Variants in ZNF777 observed in about 807,000 individuals in gnomAD.
ZNF777 encodes the protein zinc finger protein 777.
In ZNF777, 7 loss-of-function variants were observed where a neutral mutation model predicts 72.1. The ratio of observed to expected loss-of-function variants is 0.10; its 90% CI spans 0.06 to 0.18. The LOEUF (loss-of-function observed/expected upper bound fraction) is 0.18. Among genes scored for constraint, ZNF777 ranks in the 10% least tolerant of loss-of-function variants. The probability of loss-of-function intolerance (pLI) is 1.00; values close to 1 mark genes in which losing one functional copy is unlikely to be tolerated. For missense variants in ZNF777, 828 were observed against 1,128.6 expected (o/e 0.73, Z 3.82); for synonymous variants, 545 against 483.5 (o/e 1.13, Z -1.67).
intron 4 of ZNF777, among the ~76,000 whole-genome samples, chr7:149,441,489 C>T (rs1283698313): frequency 1.3e-5 from 2 of 152,166 alleles, no homozygotes; most frequent in Admixed American, 1.3e-4. Context: ...TTCGGTTATT[C>T]GTGCCAAACA....
intron 4 of ZNF777, among the ~76,000 whole-genome samples, chr7:149,449,100 C>T (rs766157308): frequency 1.3e-5 from 2 of 152,192 alleles, no homozygotes; most frequent in East Asian, 1.9e-4. Context: ...TGGAGTGCTA[C>T]GGCTCTGATA....
At chr7:149,457,461 G>A (rs1237869364) in intron 1 of ZNF777, among the ~76,000 whole-genome samples, 4 of 152,162 alleles carry the variant, frequency 2.6e-5, no homozygotes, top group African/African-American at 4.8e-5. Context: ...GTATGTGTTT[G>A]ATAAATGCCG....
At position 149,432,845 on chromosome 7, in the gene ZNF777, C is replaced by T; in HGVS notation, c.1427G>A (p.Gly476Glu). ...DELPQHLQSLGQLSGRYEASM... is the reference protein window; with the variant it reads ...DELPQHLQSLEQLSGRYEASM... ...GGCCTCATATCTCCCGGACAGCTGC[C>T]CAAGGGATTGCAAGTGCTGCGGCAG... Residue 476 changes from glycine (G) to glutamate (E), a missense_variant, in exon 6 of 6, where the codon GGG becomes GAG. Transcript: ENST00000247930. 1.3e-6 allele frequency: 2 copies of T among 1,586,380 alleles called. No individual in the cohort carries two copies. The highest frequency in any genetic ancestry group is 1.7e-6 in the Non-Finnish European group (2 of 1,164,976).
intron 4 of ZNF777, among the ~76,000 whole-genome samples, chr7:149,448,485 CTATA>C (rs61005836): frequency 0.017 from 1,773 of 104,556 alleles, 95 homozygotes; most frequent in South Asian, 0.097. Context: ...CAAAACAAAA[CTATA>C]TATATATATA....
rs1009257160 is a variant in ZNF777, at chr7:149,460,476, C to A, written c.-16+339G>T. On this transcript the variant is annotated intron_variant, in intron 1 of 5. Coordinates refer to ENST00000247930, the MANE Select transcript of ZNF777 (RefSeq NM_015694.3). The surrounding 1 kb of genome is among the most constrained non-coding windows in gnomAD (Gnocchi z 6.1). Reference sequence around the variant, plus strand: ...CCCCGGCCCGCGCGCCGCCCCTCTGCGGCCGCGGCTGGGACCCCAGCTCCG... The same window carrying A: ...CCCCGGCCCGCGCGCCGCCCCTCTGAGGCCGCGGCTGGGACCCCAGCTCCG... Among the ~76,000 whole-genome samples, 1 of 148,940 alleles carries A rather than the reference C, an allele frequency of 6.7e-6. No individual in the cohort carries two copies. Among genetic ancestry groups the A allele is most frequent in the Non-Finnish European group, 1.5e-5 (1 of 66,978 alleles).
intron 3 of ZNF777, among the ~76,000 whole-genome samples, chr7:149,451,347 C>A (rs1799713648): frequency 6.6e-6 from 1 of 152,018 alleles, no homozygotes; most frequent in Middle Eastern, 3.4e-3. Context: ...TCAAAACCTG[C>A]CCAGGTTTTC....
At chr7:149,453,253 G>A (rs547503008) in intron 3 of ZNF777, among the ~76,000 whole-genome samples, 2 of 151,840 alleles carry the variant, frequency 1.3e-5, no homozygotes, top group African/African-American at 4.8e-5. Context: ...TTAAATTGTT[G>A]AATTTTCACA....
At chr7:149,458,161 A>C (rs1799869128) in intron 1 of ZNF777, among the ~76,000 whole-genome samples, 1 of 152,194 alleles carries the variant, frequency 6.6e-6, no homozygotes, top group South Asian at 2.1e-4. Flanking sequence ...AAACCTAATG[A>C]AAGTTTTGGG....
chr7:149,432,979 C>T (rs1201610604), intron 5 of ZNF777, 47 bp from the exon 6 acceptor site: 1 of 1,448,480 alleles, frequency 6.9e-7, no homozygotes, highest in African/African-American at 1.4e-5. Flanking sequence ...TGCCTGGCGC[C>T]CCTAACCTAC....
chr7:149,459,872 G>A, intron 1 of ZNF777: 2 of 983,936 alleles, frequency 2.0e-6, no homozygotes, highest in Non-Finnish European at 2.4e-6. Context: ...CCCCACCTCG[G>A]GGCCGCGTGT....
chr7:149,434,325 A>G (rs1799376142), intron 5 of ZNF777, among the ~76,000 whole-genome samples: 2 of 152,142 alleles, frequency 1.3e-5, no homozygotes, highest in Admixed American at 1.3e-4. Flanking sequence ...CCAGTGAACT[A>G]CAGTGGTAAA....
chr7:149,436,637 G>A lies in ZNF777; in HGVS notation c.1277C>T (p.Thr426Met), dbSNP rs1289223782. 9 of 1,613,762 alleles carry A rather than the reference G, an allele frequency of 5.6e-6. No individual in the cohort carries two copies. The highest frequency in any genetic ancestry group is 3.3e-5 in the Admixed American group (2 of 60,014). Residue 426 changes from threonine (T) to methionine (M), a missense_variant, in exon 5 of 6, where the codon ACG becomes ATG. Thr to Met is a moderately conservative substitution (Grantham distance 81). Around this residue, in one of 12 missense-constraint regions of ZNF777, gnomAD observed 219 missense variants for 223.0 expected, o/e 0.98. Transcript: ENST00000247930. This position sits in a 1 kb window ranked among gnomAD's most constrained non-coding sequence, Gnocchi z 5.0. The part of the protein sequence containing the change: ...QEPENTLEES[T>M]EGSSEFSELK... Reference sequence around the variant, plus strand: ...TTCGCTGAACTCGCTGGAGCCTTCCGTGGACTCCTCCAGCGTGTTCTCTGG... The same window carrying A: ...TTCGCTGAACTCGCTGGAGCCTTCCATGGACTCCTCCAGCGTGTTCTCTGG...
At chr7:149,457,448 A>G (rs1799854762) in intron 1 of ZNF777, among the ~76,000 whole-genome samples, 1 of 152,182 alleles carries the variant, frequency 6.6e-6, no homozygotes, top group African/African-American at 2.4e-5. Context: ...AGTCTGACAT[A>G]TAGTATGTGT....
rs911524452 is a variant in ZNF777 at position 149,460,096 on chromosome 7, G to A, written c.-16+719C>T. ...CGTCCCCGGGGCCCCGAGGCCGCGC[G>A]TCCGTGCGCGCGCGGGCCGCCCTCA... is the stretch of plus-strand genomic sequence containing the variant. On this transcript the variant is annotated intron_variant, in intron 1 of 5. Coordinates refer to ENST00000247930, the MANE Select transcript of ZNF777 (RefSeq NM_015694.3). This position sits in a 1 kb window ranked among gnomAD's most constrained non-coding sequence, Gnocchi z 6.1. The A allele has an allele frequency of 7.1e-6, 7 of 981,984 alleles. No homozygotes were observed. The African/African-American group carries it at 8.8e-5, about 12-fold the overall frequency. The allele number at this position is 981,984 out of a possible 1,614,324, so 60.8% of individuals were successfully genotyped here.
intron 3 of ZNF777, 51 bp from the exon 4 acceptor site, chr7:149,451,163 ATGT>A: frequency 6.6e-7 from 1 of 1,523,628 alleles, no homozygotes; most frequent in African/African-American, 1.4e-5. Flanking sequence ...GTTGCACTGG[ATGT>A]TGTTAAGGTA....
intron 1 of ZNF777, chr7:149,459,546 C>G: frequency 1.2e-6 from 1 of 800,384 alleles, no homozygotes; most frequent in Non-Finnish European, 1.5e-6. Flanking sequence ...CCAGGGCGGC[C>G]CAGCCCCTCA....
rs757271805 is a variant in ZNF777, at chr7:149,436,710, C to G, written c.1204G>C (p.Glu402Gln). The G allele has an allele frequency of 6.2e-7, 1 of 1,614,184 alleles. No homozygotes were observed. The highest frequency in any genetic ancestry group is 1.1e-5 in the South Asian group (1 of 91,090). ...QVEEHGFQDS[E>Q]LGDPCGEQPD... is the part of the protein sequence containing the mutation. ...TGTTCCCCACAGGGGTCACCCAGCT[C>G]TGAGTCCTGGAAGCCGTGCTCTTCC... The change falls in exon 5 of 6, where the codon GAG (glutamate) becomes CAG (glutamine). Residue 402 changes from glutamate (E) to glutamine (Q), a missense_variant. This residue lies in a region of ZNF777 where 219 missense variants were observed against 223.0 expected (regional missense o/e 0.98). Transcript: ENST00000247930. The surrounding 1 kb of genome is among the most constrained non-coding windows in gnomAD (Gnocchi z 5.0).
chr7:149,436,010 A>AGAT lies in ZNF777; in HGVS notation c.1339+562_1339+564dup, dbSNP rs1435023835. On this transcript the variant is annotated intron_variant, in intron 5 of 5. Transcript: ENST00000247930. The surrounding 1 kb of genome is among the most constrained non-coding windows in gnomAD (Gnocchi z 5.0). The stretch of plus-strand genomic sequence containing the variant: ...TCAGCATCAGAAAATCCATCACGAA[A>AGAT]GATGTCCTGGGATCAGGCCACCGTG... Among the ~76,000 whole-genome samples the AGAT allele has an allele frequency of 1.3e-5, 2 of 152,354 alleles. No homozygotes were observed. Among genetic ancestry groups the AGAT allele is most frequent in the African/African-American group, 2.4e-5 (1 of 41,584 alleles).
chr7:149,448,535 T>TAAAAC (rs1799651403), intron 4 of ZNF777, among the ~76,000 whole-genome samples: 1 of 123,206 alleles, frequency 8.1e-6, no homozygotes, highest in African/African-American at 3.6e-5. Flanking sequence ...ATACATATAG[T>TAAAAC]TATATATATA....
Sources: gnomAD v4.1 joint callset for allele counts (sites outside exome capture counted in the v4.1 genomes callset) on GRCh38, gnomAD v4.1.1 for gene constraint, gnomAD v4.1.1 regional missense constraint, Gnocchi (gnomAD v3.1) non-coding constraint, MANE v1.5 for transcripts, NCBI Gene and HGNC (gene_info 2026-07-23, HGNC 2026-07-21) for gene names.